Variants in HIF1A observed in about 807,000 individuals in gnomAD.
HIF1A encodes the protein hypoxia inducible factor 1 subunit alpha, also known as hypoxia-inducible factor 1-alpha.
A neutral mutation model predicts 92.7 loss-of-function variants in HIF1A; 24 were observed. The observed-to-expected ratio is 0.26, with a 90% CI of 0.19 to 0.36. The LOEUF is 0.36. Ranked by LOEUF, HIF1A falls within the 10% of genes least tolerant of loss-of-function variation. HIF1A has a pLI of 1.00. For synonymous variants in HIF1A, 319 were observed against 338.7 expected, an observed-to-expected ratio of 0.94 and a Z score of 0.64; for missense variants, 799 against 998.5, an observed-to-expected ratio of 0.80 and a Z score of 2.69.
In HIF1A at chr14:61,720,004, G is replaced by A. The variant is rs575337541; in HGVS notation, c.36-378G>A. ...TTAGGTAGTTTCTCTAGCCTTAATC[G>A]TGGTTTCTCTGTATTGAGACTACTT... On this transcript the variant is annotated intron_variant, in intron 1 of 14. Coordinates refer to ENST00000337138, the MANE Select transcript of HIF1A (RefSeq NM_001530.4). 3.2e-4 allele frequency among the ~76,000 whole-genome samples: 49 copies of A among 152,246 alleles called. No homozygotes were observed. The South Asian group carries it at 5.0e-3, about 15-fold the overall frequency.
chr14:61,733,483 G>T (rs2301111), intron 7 of HIF1A, among the ~76,000 whole-genome samples: 1 of 152,032 alleles, frequency 6.6e-6, no homozygotes, highest in Admixed American at 6.5e-5. Flanking sequence ...GTTAAACTTT[G>T]GACTATCTCA....
chr14:61,736,253 A>T (rs1156594743), intron 8 of HIF1A, among the ~76,000 whole-genome samples: 3 of 152,218 alleles, frequency 2.0e-5, no homozygotes, highest in Non-Finnish European at 4.4e-5. Flanking sequence ...CTGGGATTAC[A>T]GGCATGAGCC....
At position 61,721,832 on chromosome 14, in the gene HIF1A, A is replaced by T. The variant is rs2044434007; in HGVS notation, c.457+9A>T. The stretch of plus-strand genomic sequence containing the variant: ...GCTTACACACAGAAATGGTAAGAAA[A>T]GTCTGTTGTTTGATTTAATGTGACA... On this transcript the variant is annotated intron_variant, in intron 4 of 14. Transcript: ENST00000337138. The T allele has an allele frequency of 6.3e-7, 1 of 1,594,478 alleles. No homozygotes were observed. The highest frequency in any genetic ancestry group is 8.6e-7 in the Non-Finnish European group (1 of 1,162,586).
At chr14:61,737,221 A>T in intron 9 of HIF1A, 112 bp downstream of exon 9, 1 of 696,210 alleles carries the variant, frequency 1.4e-6, no homozygotes, top group East Asian at 2.7e-5. Context: ...ATTACAAGCT[A>T]ATATATGTTT....
rs1273424205 is a variant in HIF1A at position 61,738,148 on chromosome 14, C to T, written c.1311C>T (p.Pro437=). 1.9e-6 allele frequency: 3 copies of T among 1,613,912 alleles called. No individual in the cohort carries two copies. The South Asian group carries it at 3.3e-5, about 18-fold the overall frequency. The change falls in exon 10 of 15, where the codon CCC becomes CCT. Residue 437 remains proline (P), a synonymous_variant. Coordinates refer to ENST00000337138, the MANE Select transcript of HIF1A (RefSeq NM_001530.4). The part of the protein sequence containing the change: ...EVPLYNDVML[P]SPNEKLQNIN... ...CATTATATAATGATGTAATGCTCCCCTCACCCAACGAAAAATTACAGAATA... is the reference window on the plus strand; with the variant it reads ...CATTATATAATGATGTAATGCTCCCTTCACCCAACGAAAAATTACAGAATA...
chr14:61,746,682 C>A (rs181902526), intron 14 of HIF1A, among the ~76,000 whole-genome samples: 21 of 152,190 alleles, frequency 1.4e-4, no homozygotes, highest in Admixed American at 3.9e-4. Flanking sequence ...AGCTTTGATG[C>A]CCACCATATT....
At position 61,720,382 on chromosome 14, in the gene HIF1A, G is replaced by A; in HGVS notation, c.36G>A (p.Lys12=). 2 of 1,605,790 alleles carry A rather than the reference G, an allele frequency of 1.2e-6. No individual in the cohort carries two copies. The highest frequency in any genetic ancestry group is 1.7e-6 in the Non-Finnish European group (2 of 1,176,468). Reference sequence around the variant, plus strand: ...TGTTTTTCTTGTTGTTGTTAAGTAGGATAAGTTCTGAACGTCGAAAAGAAA... The same window carrying A: ...TGTTTTTCTTGTTGTTGTTAAGTAGAATAAGTTCTGAACGTCGAAAAGAAA... ...EGAGGANDKK[K]ISSERRKEKS... Residue 12 remains lysine, a splice_region_variant and synonymous_variant, in exon 2 of 15, where the codon AAG becomes AAA. Transcript: ENST00000337138.
intron 1 of HIF1A, among the ~76,000 whole-genome samples, chr14:61,701,242 C>T (rs191973484): frequency 8.5e-4 from 129 of 152,172 alleles, no homozygotes; most frequent in Non-Finnish European, 1.5e-3. Flanking sequence ...TCACCTTAAC[C>T]GGTTACAGTT....
At chr14:61,721,675 G>A (rs1594870959) in intron 3 of HIF1A, 21 bp downstream of exon 3, 1 of 1,609,560 alleles carries the variant, frequency 6.2e-7, no homozygotes, top group East Asian at 2.2e-5. Context: ...CACATATTAA[G>A]AGCTCTTCTA....
At position 61,729,295 on chromosome 14, in the gene HIF1A, C is replaced by T. The variant is rs2044545041; in HGVS notation, c.773+1640C>T. Among the ~76,000 whole-genome samples the T allele has an allele frequency of 2.6e-5, 4 of 152,018 alleles. No individual in the cohort carries two copies. In the South Asian group the frequency reaches 8.3e-4, roughly 32 times the overall value. ...TGGCCAACATGGTAAAACCCCATCTCTACTAAAAATACAAAAATTAGCTGG... is the reference window on the plus strand; with the variant it reads ...TGGCCAACATGGTAAAACCCCATCTTTACTAAAAATACAAAAATTAGCTGG... On this transcript the variant is annotated intron_variant, in intron 6 of 14. Transcript: ENST00000337138.
intron 4 of HIF1A, among the ~76,000 whole-genome samples, chr14:61,724,349 T>TTC (rs147642291): frequency 0.03 from 2,860 of 96,086 alleles, 101 homozygotes; most frequent in African/African-American, 0.043. Flanking sequence ...CACACACACA[T>TTC]TCTCTCTCTC....
intron 1 of HIF1A, among the ~76,000 whole-genome samples, chr14:61,712,961 A>G (rs2044323981): frequency 6.6e-6 from 1 of 151,760 alleles, no homozygotes; most frequent in South Asian, 2.1e-4. Context: ...GCCAGAGGAA[A>G]AAAAAAAAAA....
chr14:61,699,755 C>T (rs1023903645), intron 1 of HIF1A, among the ~76,000 whole-genome samples: 2 of 151,970 alleles, frequency 1.3e-5, no homozygotes, highest in African/African-American at 4.8e-5. Context: ...GTGGATTTTA[C>T]CCAGTGTGTG....
rs528857351 is a variant in HIF1A at position 61,730,243 on chromosome 14, A to G, written c.774-2175A>G. Among the ~76,000 whole-genome samples, 126 of 152,320 alleles carry G rather than the reference A, an allele frequency of 8.3e-4. 1 individual carries two copies. Among genetic ancestry groups the G allele is most frequent in the African/African-American group, 2.9e-3 (122 of 41,582 alleles). On this transcript the variant is annotated intron_variant, in intron 6 of 14. Transcript: ENST00000337138. ...ACCCTTTTGGTATAGAATATAACCT[A>G]TGTAATTCTCTAAAGTTAAATTAAC...
At position 61,727,596 on chromosome 14, in the gene HIF1A, T is replaced by C. The variant is rs745968259; in HGVS notation, c.714T>C (p.Asp238=). Residue 238 remains aspartate (D), a synonymous_variant, in exon 6 of 15, where the codon GAT becomes GAC. Transcript: ENST00000337138. The part of the protein sequence containing the change: ...PHPSNIEIPL[D]SKTFLSRHSL... ...CATCAAATATTGAAATTCCTTTAGA[T>C]AGCAAGACTTTCCTCAGTCGACACA... 4 of 1,613,884 alleles carry C rather than the reference T, an allele frequency of 2.5e-6. No individual in the cohort carries two copies. The highest frequency in any genetic ancestry group is 4.5e-5 in the East Asian group (2 of 44,876).
In HIF1A at chr14:61,718,019, TAA is replaced by T. The variant is rs67584071; in HGVS notation, c.36-2350_36-2349del. Among the ~76,000 whole-genome samples, 409 of 144,100 alleles carry T rather than the reference TAA, an allele frequency of 2.8e-3. 1 individual carries two copies. Among genetic ancestry groups the T allele is most frequent in the Non-Finnish European group, 2.7e-3 (179 of 66,242 alleles). The allele number at this position is 144,100 out of a possible 152,430, so 94.5% of individuals were successfully genotyped here. A position where few individuals can be genotyped will look rare whatever the true frequency, so the allele number is the denominator to read the frequency against. On this transcript the variant is annotated intron_variant, in intron 1 of 14. Transcript: ENST00000337138. ...CTGGGTGACAAGAGCAGAACTCCAT[TAA>T]AAAAAAAAAAAAGCATATATAGCAC...
At position 61,695,595 on chromosome 14, in the gene HIF1A, C is replaced by T; in HGVS notation, c.-210C>T. 1 of 600,982 alleles carries T rather than the reference C, an allele frequency of 1.7e-6. No homozygotes were observed. Among genetic ancestry groups the T allele is most frequent in the East Asian group, 2.9e-5 (1 of 34,800 alleles). 37.2% of individuals were successfully genotyped at this position (600,982 alleles called of 1,614,324 possible). A position where few individuals can be genotyped will look rare whatever the true frequency, so the allele number is the denominator to read the frequency against. ...GCCAGTGTGTCGGGCTGGGCCCTGA[C>T]AAGCCACCTGAGGAGAGGCTCGGAG... On this transcript the variant is annotated 5_prime_UTR_variant, in exon 1 of 15. Transcript: ENST00000337138.
intron 10 of HIF1A, among the ~76,000 whole-genome samples, 174 bp downstream of exon 10, chr14:61,738,547 A>C (rs1277983514): frequency 6.6e-6 from 1 of 152,238 alleles, no homozygotes; most frequent in Non-Finnish European, 1.5e-5. Context: ...AGACCTGAGC[A>C]CATGTTTTAG....
chr14:61,706,366 C>T (rs1231542232), intron 1 of HIF1A, among the ~76,000 whole-genome samples: 2 of 152,182 alleles, frequency 1.3e-5, no homozygotes, highest in Non-Finnish European at 2.9e-5. Context: ...CATCTTTGAA[C>T]TCTACTCATG....
Sources: gnomAD v4.1 joint callset for allele counts (sites outside exome capture counted in the v4.1 genomes callset) on GRCh38, gnomAD v4.1.1 for gene constraint, MANE v1.5 for transcripts, NCBI Gene and HGNC (gene_info 2026-07-23, HGNC 2026-07-21) for gene names.